Variants in TBX2 observed in about 807,000 individuals in gnomAD.
TBX2 encodes T-box transcription factor TBX2.
Under a neutral mutation model 48.4 loss-of-function variants are expected in TBX2, and 19 were observed. The observed-to-expected ratio is 0.39, with a 90% CI of 0.27 to 0.58. TBX2 has a LOEUF of 0.58. TBX2 is among the 20% of genes least tolerant of loss of function. The pLI, the probability that TBX2 is intolerant of heterozygous loss-of-function variation, is 0.54. For missense variants in TBX2, 994 were observed against 1,006.5 expected, an observed-to-expected ratio of 0.99 and a Z score of 0.17; for synonymous variants, 522 against 459.7, an observed-to-expected ratio of 1.14 and a Z score of -1.73.
At chr17:61,404,901 G>T in intron 5 of TBX2, 132 bp downstream of exon 5, 1 of 1,387,222 alleles carries the variant, frequency 7.2e-7, no homozygotes. Flanking sequence ...TCTGGGATGG[G>T]GTTTCCGTCC....
rs1308114018 is a variant in TBX2, at chr17:61,400,210, G to T, written c.34G>T (p.Ala12Ser). The T allele has an allele frequency of 5.0e-6, 6 of 1,206,394 alleles. No individual in the cohort carries two copies. The highest frequency in any genetic ancestry group is 6.3e-6 in the Non-Finnish European group (6 of 947,510). 74.7% of individuals were successfully genotyped at this position (1,206,394 alleles called of 1,614,324 possible). ...REPALAASAM[A>S]YHPFHAPRPA... ...GCCGGCGCTGGCGGCCAGCGCCATG[G>T]CTTACCACCCGTTCCACGCGCCACG... Residue 12 changes from alanine to serine, a missense_variant, in exon 1 of 7, where the codon GCT becomes TCT. By Grantham distance (99) the Ala-to-Ser change is moderately conservative (BLOSUM62 1). Transcript: ENST00000240328. The surrounding 1 kb of genome is among the most constrained non-coding windows in gnomAD (Gnocchi z 9.2).
chr17:61,400,592 G>C lies in TBX2; in HGVS notation c.395+21G>C, dbSNP rs1009213225. ...GGGAGGTAGGGCTGCCGGCCGGCTG[G>C]AAGGCGCGCGGGCGGGCGGGCGGGC... On this transcript the variant is annotated intron_variant, in intron 1 of 6. Coordinates refer to ENST00000240328, the MANE Select transcript of TBX2 (RefSeq NM_005994.4). The surrounding 1 kb of genome is among the most constrained non-coding windows in gnomAD (Gnocchi z 9.2). 1.3e-5 allele frequency: 20 copies of C among 1,490,818 alleles called. No homozygotes were observed. The highest frequency in any genetic ancestry group is 1.8e-5 in the Non-Finnish European group (20 of 1,100,390). The allele number at this position is 1,490,818 out of a possible 1,614,324, so 92.3% of individuals were successfully genotyped here.
In TBX2 at chr17:61,409,459, A is replaced by G. The variant is rs977855198; in HGVS notation, c.*953A>G. The G allele has an allele frequency of 1.6e-4, 24 of 152,236 alleles. No homozygotes were observed. Among genetic ancestry groups the G allele is most frequent in the African/African-American group, 5.8e-4 (24 of 41,464 alleles). 9.4% of individuals were successfully genotyped at this position (152,236 alleles called of 1,614,324 possible). On this transcript the variant is annotated 3_prime_UTR_variant, in exon 7 of 7. Coordinates refer to ENST00000240328, the MANE Select transcript of TBX2 (RefSeq NM_005994.4). ...ACGCAAGAAAACAATAAAACGCTAG[A>G]AAGCGAAGTGAACGGCGCTGTGCGC...
intron 2 of TBX2, among the ~76,000 whole-genome samples, chr17:61,402,832 G>C (rs1351606771): frequency 6.6e-6 from 1 of 151,420 alleles, no homozygotes; most frequent in East Asian, 1.9e-4. Flanking sequence ...AGAAAAAGAA[G>C]CTGTGAAAAG....
In TBX2 at chr17:61,404,303, C is replaced by A. The variant is rs976213629; in HGVS notation, c.811-118C>A. ...GCGTCCCATCCCAGGCGGGTGGGTACCAAGTGGACGCTCCCCGGGTCTTCC... is the reference window on the plus strand; with the variant it reads ...GCGTCCCATCCCAGGCGGGTGGGTAACAAGTGGACGCTCCCCGGGTCTTCC... On this transcript the variant is annotated intron_variant, in intron 3 of 6. Transcript: ENST00000240328. 1.8e-5 allele frequency: 23 copies of A among 1,303,268 alleles called. No homozygotes were observed. The East Asian group carries it at 5.9e-4, about 34-fold the overall frequency. The allele number at this position is 1,303,268 out of a possible 1,614,324, so 80.7% of individuals were successfully genotyped here.
chr17:61,402,534 G>A (rs191950147), intron 2 of TBX2, among the ~76,000 whole-genome samples: 59 of 152,074 alleles, frequency 3.9e-4, no homozygotes, highest in African/African-American at 1.3e-3. Context: ...GCGAACGGGG[G>A]TGGTGTTTCA....
rs537100522 is a variant in TBX2, at chr17:61,408,563, G to A, written c.*57G>A. 2.3e-5 allele frequency: 32 copies of A among 1,396,770 alleles called. No individual in the cohort carries two copies. In the South Asian group the frequency reaches 4.6e-4, roughly 20 times the overall value. 86.5% of individuals were successfully genotyped at this position (1,396,770 alleles called of 1,614,324 possible). ...GCCACCCGGGCTGCCTGCCCCTGCT[G>A]CTTGGGACGTGTACAGCACAGAATG... On this transcript the variant is annotated 3_prime_UTR_variant, in exon 7 of 7. Transcript: ENST00000240328.
intron 2 of TBX2, among the ~76,000 whole-genome samples, chr17:61,402,303 G>A (rs1032583485): frequency 3.9e-5 from 6 of 152,224 alleles, no homozygotes; most frequent in Non-Finnish European, 7.3e-5. Flanking sequence ...TGTAGGTGCC[G>A]AGCTTGGAAG....
Position 61,404,413 on chromosome 17 carries a change from C to A in TBX2, c.811-8C>A. On this transcript the variant is annotated splice_polypyrimidine_tract_variant and splice_region_variant and intron_variant, in intron 3 of 6. Coordinates refer to ENST00000240328, the MANE Select transcript of TBX2 (RefSeq NM_005994.4). ...CCTGACTTAGCGCCGCCCCCTTGGT[C>A]CCCGCAGATCACACAGCTGAAGATC... 6.2e-7 allele frequency: 1 copy of A among 1,604,438 alleles called. No individual in the cohort carries two copies. Among genetic ancestry groups the A allele is most frequent in the South Asian group, 1.1e-5 (1 of 89,360 alleles).
Position 61,408,357 on chromosome 17 carries a change from C to T in TBX2, c.1990C>T (p.Leu664Phe). 1 of 1,590,244 alleles carries T rather than the reference C, an allele frequency of 6.3e-7. No individual in the cohort carries two copies. The highest frequency in any genetic ancestry group is 8.6e-7 in the Non-Finnish European group (1 of 1,169,482). ...GCCTAGCCCCCTGCCCGAGCTGGCT[C>T]TCCGCAAAGTAGGGGCCCCATCCCG... ...REPSPLPELA[L>F]RKVGAPSRGA... is the part of the protein sequence containing the mutation. Residue 664 changes from leucine to phenylalanine, a missense_variant, in exon 7 of 7, where the codon CTC becomes TTC. Coordinates refer to ENST00000240328, the MANE Select transcript of TBX2 (RefSeq NM_005994.4).
rs1324945636 is a variant in TBX2 at position 61,408,400 on chromosome 17, G to C, written c.2033G>C (p.Ser678Thr). The C allele has an allele frequency of 1.9e-6, 3 of 1,553,654 alleles. No individual in the cohort carries two copies. The highest frequency in any genetic ancestry group is 2.7e-5 in the African/African-American group (2 of 73,000). Residue 678 changes from serine to threonine, a missense_variant, in exon 7 of 7, where the codon AGT becomes ACT. This residue lies in a region of TBX2 where 639 missense variants were observed against 613.2 expected (regional missense o/e 1.04). Coordinates refer to ENST00000240328, the MANE Select transcript of TBX2 (RefSeq NM_005994.4). ...GAPSRGALSP[S>T]GSAKEAANEL... is the part of the protein sequence containing the mutation. ...CCATCCCGCGGTGCCCTGTCGCCCA[G>C]TGGCTCGGCCAAGGAGGCGGCCAAT...
chr17:61,404,506 C>T lies in TBX2; in HGVS notation c.887+9C>T. 6.2e-7 allele frequency: 1 copy of T among 1,610,048 alleles called. No homozygotes were observed. The highest frequency in any genetic ancestry group is 8.5e-7 in the Non-Finnish European group (1 of 1,178,528). On this transcript the variant is annotated intron_variant, in intron 4 of 6. Transcript: ENST00000240328. Reference sequence around the variant, plus strand: ...GGCCGGCGGGAGAAAAGGTGAGAGGCCGAGGACAGCAGCCCTGTGGCGGGT... The same window carrying T: ...GGCCGGCGGGAGAAAAGGTGAGAGGTCGAGGACAGCAGCCCTGTGGCGGGT...
At position 61,400,389 on chromosome 17, in the gene TBX2, C is replaced by T. The variant is rs1172783005; in HGVS notation, c.213C>T (p.Ala71=). The part of the protein sequence containing the change: ...AAAAAAAAAA[A]EAGLHVSALG... The stretch of plus-strand genomic sequence containing the variant: ...CGGCGGCGGCGGCGGCAGCAGCGGC[C>T]GAGGCGGGGCTGCACGTCTCGGCAC... Residue 71 remains alanine (A), a synonymous_variant, in exon 1 of 7, where the codon GCC becomes GCT. Transcript: ENST00000240328. This position sits in a 1 kb window ranked among gnomAD's most constrained non-coding sequence, Gnocchi z 9.2. The T allele has an allele frequency of 8.3e-7, 1 of 1,204,094 alleles. No individual in the cohort carries two copies. The allele number at this position is 1,204,094 out of a possible 1,614,324, so 74.6% of individuals were successfully genotyped here.
intron 6 of TBX2, chr17:61,407,214 G>C (rs2060292587): frequency 6.6e-6 from 1 of 152,198 alleles, no homozygotes; most frequent in South Asian, 2.1e-4. Context: ...TGTCTCAGGA[G>C]GGGGTATTTT....
At position 61,401,794 on chromosome 17, in the gene TBX2, A is replaced by G. The variant is rs1217985899; in HGVS notation, c.506A>G (p.Asn169Ser). 3 of 1,612,926 alleles carry G rather than the reference A, an allele frequency of 1.9e-6. No individual in the cohort carries two copies. The highest frequency in any genetic ancestry group is 2.5e-6 in the Non-Finnish European group (3 of 1,180,012). ...AADDCRYKFHNSRWMVAGKAD... is the reference protein window; with the variant it reads ...AADDCRYKFHSSRWMVAGKAD... ...GACGATTGCCGCTATAAGTTCCACA[A>G]CTCGCGCTGGATGGTGGCGGGCAAG... is the stretch of plus-strand genomic sequence containing the variant. The change falls in exon 2 of 7, where the codon AAC becomes AGC. Residue 169 changes from asparagine to serine, a missense_variant. Transcript: ENST00000240328.
Position 61,408,147 on chromosome 17 carries a change from A to G in TBX2, c.1780A>G (p.Ser594Gly), listed in dbSNP as rs753406923. Reference sequence around the variant, plus strand: ...AGCCGCCTCGGCTTTGCCCGCCACTAGTGCTGCAGCTGCCGCCGCCGCAGC... The same window carrying G: ...AGCCGCCTCGGCTTTGCCCGCCACTGGTGCTGCAGCTGCCGCCGCCGCAGC... Reference protein sequence around the residue: ...AAAASALPATSAAAAAAAAAG... With the variant: ...AAAASALPATGAAAAAAAAAG... The change falls in exon 7 of 7, where the codon AGT (serine) becomes GGT (glycine). Residue 594 changes from serine (S) to glycine (G), a missense_variant. This residue lies in a region of TBX2 where 639 missense variants were observed against 613.2 expected (regional missense o/e 1.04). Coordinates refer to ENST00000240328, the MANE Select transcript of TBX2 (RefSeq NM_005994.4). The G allele has an allele frequency of 7.4e-6, 12 of 1,611,568 alleles. No homozygotes were observed. Among genetic ancestry groups the G allele is most frequent in the Admixed American group, 3.3e-5 (2 of 59,928 alleles).
At chr17:61,407,733 C>G (rs1384563472) in intron 6 of TBX2, 1 of 300,330 alleles carries the variant, frequency 3.3e-6, no homozygotes, top group Non-Finnish European at 6.1e-6. Flanking sequence ...ATGCCTGCCC[C>G]GTTTTCTCCC....
chr17:61,404,234 C>A (rs1488894839), intron 3 of TBX2, among the ~76,000 whole-genome samples, 187 bp from the exon 4 acceptor site: 1 of 152,242 alleles, frequency 6.6e-6, no homozygotes, highest in Non-Finnish European at 1.5e-5. Context: ...GGAGGACAGA[C>A]CCCGTCGCTT....
At chr17:61,402,365 C>T (rs1208240138) in intron 2 of TBX2, among the ~76,000 whole-genome samples, 1 of 152,186 alleles carries the variant, frequency 6.6e-6, no homozygotes, top group East Asian at 1.9e-4. Flanking sequence ...GACCCGCGTC[C>T]CTGGCCCTCC....
Sources: allele counts gnomAD v4.1 joint callset (sites outside exome capture counted in the v4.1 genomes callset), GRCh38; gene constraint gnomAD v4.1.1; regional missense constraint gnomAD v4.1.1; non-coding constraint Gnocchi (gnomAD v3.1); transcripts MANE v1.5; gene names NCBI Gene and HGNC (gene_info 2026-07-23, HGNC 2026-07-21).